Variants in HSBP1 observed in about 807,000 individuals in gnomAD.
HSBP1 encodes the protein heat shock factor binding protein 1.
In HSBP1, 5 loss-of-function variants were observed where a neutral mutation model predicts 9.6. The ratio of observed to expected loss-of-function variants is 0.52; its 90% CI spans 0.27 to 1.09. The LOEUF (loss-of-function observed/expected upper bound fraction) is 1.09. Among genes scored for constraint, HSBP1 ranks in the 50% least tolerant of loss-of-function variants. The pLI is 0.11. For missense variants in HSBP1, 121 were observed against 96.3 expected (o/e 1.26, Z -1.07); for synonymous variants, 42 against 33.3 (o/e 1.26, Z -0.90).
chr16:83,811,402 AT>A lies in HSBP1; in HGVS notation c.*3-14del, dbSNP rs1234887289. ...TCATATAATGAAAAACATGTTGATG[AT>A]TTTTCCTTCTTCAACAGGTTGCTAA... On this transcript the variant is annotated intron_variant, in intron 3 of 3. Transcript: ENST00000433866. 6.6e-6 allele frequency: 1 copy of A among 152,158 alleles called. No homozygotes were observed. Among genetic ancestry groups the A allele is most frequent in the Non-Finnish European group, 1.5e-5 (1 of 68,034 alleles). The allele number at this position is 152,158 out of a possible 1,614,324, so 9.4% of individuals were successfully genotyped here. A position where few individuals can be genotyped will look rare whatever the true frequency, so the allele number is the denominator to read the frequency against.
rs922630837 is a variant in HSBP1 at position 83,808,019 on chromosome 16, A to C, written c.-58A>C. ...GCAGCGGCCCGGGGCGACTGAGCGG[A>C]CAAACGGAAGTGTAGGTTACGGTCT... On this transcript the variant is annotated 5_prime_UTR_variant, in exon 1 of 4. Transcript: ENST00000433866. 2 of 1,449,766 alleles carry C rather than the reference A, an allele frequency of 1.4e-6. No homozygotes were observed. Among genetic ancestry groups the C allele is most frequent in the Non-Finnish European group, 1.8e-6 (2 of 1,083,346 alleles). 89.8% of individuals were successfully genotyped at this position (1,449,766 alleles called of 1,614,324 possible).
Position 83,816,549 on chromosome 16 carries a change from C to G in HSBP1, c.*5131C>G, listed in dbSNP as rs920698560. 2.6e-5 allele frequency: 4 copies of G among 152,172 alleles called. No homozygotes were observed. Among genetic ancestry groups the G allele is most frequent in the African/African-American group, 9.7e-5 (4 of 41,432 alleles). 9.4% of individuals were successfully genotyped at this position (152,172 alleles called of 1,614,324 possible). ...ATGTTTCTTTGAAGGTGTTTCCACC[C>G]CACTCCTGTGCCTAAAATGATCCTG... is the stretch of plus-strand genomic sequence containing the variant. On this transcript the variant is annotated 3_prime_UTR_variant, in exon 4 of 4. Transcript: ENST00000433866.
At chr16:83,808,219 G>C in intron 1 of HSBP1, 98 bp downstream of exon 1, 1 of 1,072,696 alleles carries the variant, frequency 9.3e-7, no homozygotes, top group Non-Finnish European at 1.3e-6. Context: ...GCCGCGCGTG[G>C]CGTCTGCCGA....
intron 3 of HSBP1, among the ~76,000 whole-genome samples, chr16:83,810,305 C>A (rs1904571088): frequency 1.3e-5 from 2 of 152,116 alleles, no homozygotes; most frequent in African/African-American, 2.4e-5. Context: ...AGTACCTACA[C>A]AGCAAGATAG....
rs1182409439 is a variant in HSBP1 at position 83,819,004 on chromosome 16, C to A, written c.*7586C>A. The A allele has an allele frequency of 6.6e-6, 1 of 151,100 alleles. No homozygotes were observed. Among genetic ancestry groups the A allele is most frequent in the Non-Finnish European group, 1.5e-5 (1 of 67,744 alleles). 9.4% of individuals were successfully genotyped at this position (151,100 alleles called of 1,614,324 possible). ...TACCTAGCCCTACTGAATCAGAGAC[C>A]CTGGGAGGGAGGTCCAGCAGCCTGG... is the stretch of plus-strand genomic sequence containing the variant. On this transcript the variant is annotated 3_prime_UTR_variant, in exon 4 of 4. Transcript: ENST00000433866.
rs1417186117 is a variant in HSBP1, at chr16:83,816,638, G to C, written c.*5220G>C. The C allele has an allele frequency of 1.3e-5, 2 of 152,258 alleles. No individual in the cohort carries two copies. Among genetic ancestry groups the C allele is most frequent in the East Asian group, 3.9e-4 (2 of 5,158 alleles). 9.4% of individuals were successfully genotyped at this position (152,258 alleles called of 1,614,324 possible). The stretch of plus-strand genomic sequence containing the variant: ...CTTGTTTTTTTGTTGTCACAACTCA[G>C]GTTGGGGGTGTTACTGGCATCAAGA... On this transcript the variant is annotated 3_prime_UTR_variant, in exon 4 of 4. Coordinates refer to ENST00000433866, the MANE Select transcript of HSBP1 (RefSeq NM_001537.4).
Position 83,813,659 on chromosome 16 carries a change from C to G in HSBP1, c.*2241C>G, listed in dbSNP as rs1033844859. On this transcript the variant is annotated 3_prime_UTR_variant, in exon 4 of 4. Transcript: ENST00000433866. ...ACTATATGAAGTATTCCTTCTCCAG[C>G]TATTCTTGTTCGTTTACCAGCCAGT... 2.6e-5 allele frequency: 4 copies of G among 152,224 alleles called. No individual in the cohort carries two copies. The highest frequency in any genetic ancestry group is 2.9e-5 in the Non-Finnish European group (2 of 68,080). 9.4% of individuals were successfully genotyped at this position (152,224 alleles called of 1,614,324 possible).
rs1904764796 is a variant in HSBP1 at position 83,818,245 on chromosome 16, G to A, written c.*6827G>A. 6.6e-6 allele frequency: 1 copy of A among 152,118 alleles called. No individual in the cohort carries two copies. The highest frequency in any genetic ancestry group is 2.4e-5 in the African/African-American group (1 of 41,406). The allele number at this position is 152,118 out of a possible 1,614,324, so 9.4% of individuals were successfully genotyped here. ...GAGATGCGAGGAAGATTCTTTTCCT[G>A]GGCCACTCTCATTTTCTCAAACTTG... On this transcript the variant is annotated 3_prime_UTR_variant, in exon 4 of 4. Coordinates refer to ENST00000433866, the MANE Select transcript of HSBP1 (RefSeq NM_001537.4).
At position 83,813,589 on chromosome 16, in the gene HSBP1, G is replaced by C. The variant is rs900332718; in HGVS notation, c.*2171G>C. The C allele has an allele frequency of 1.3e-5, 2 of 152,526 alleles. No individual in the cohort carries two copies. The highest frequency in any genetic ancestry group is 3.8e-4 in the East Asian group (2 of 5,196). The allele number at this position is 152,526 out of a possible 1,614,324, so 9.4% of individuals were successfully genotyped here. Reference sequence around the variant, plus strand: ...CTGTCTCAGCCTCCCAAAGTGCTGGGATTACAGGCTGGAGCCACCATGCCT... The same window carrying C: ...CTGTCTCAGCCTCCCAAAGTGCTGGCATTACAGGCTGGAGCCACCATGCCT... On this transcript the variant is annotated 3_prime_UTR_variant, in exon 4 of 4. Transcript: ENST00000433866.
rs987180167 is a variant in HSBP1, at chr16:83,809,382, C to A, written c.190C>A (p.Leu64Met). 1.2e-6 allele frequency: 2 copies of A among 1,603,000 alleles called. No individual in the cohort carries two copies. Among genetic ancestry groups the A allele is most frequent in the Non-Finnish European group, 1.7e-6 (2 of 1,175,236 alleles). Residue 64 changes from leucine (L) to methionine (M), a missense_variant, in exon 3 of 4, where the codon CTG (leucine) becomes ATG (methionine). By Grantham distance (15) the Leu-to-Met change is conservative. Transcript: ENST00000433866. ...DLMTQAGVEE[L>M]ESENKIPATQ... ...CATGACACAGGCTGGGGTGGAAGAA[C>A]TGGAAAGTGAAAACAAGATACCTGC...
intron 3 of HSBP1, 56 bp from the exon 4 acceptor site, chr16:83,811,365 T>C (rs2151030905): frequency 6.6e-6 from 1 of 152,344 alleles, no homozygotes; most frequent in East Asian, 1.9e-4. Flanking sequence ...TATATGTCAT[T>C]TTTACTTGTG....
chr16:83,810,911 G>A (rs1408261225), intron 3 of HSBP1, among the ~76,000 whole-genome samples: 1 of 152,190 alleles, frequency 6.6e-6, no homozygotes, highest in Non-Finnish European at 1.5e-5. Flanking sequence ...TGGGCTTGCT[G>A]TGGACCACAT....
intron 1 of HSBP1, 131 bp downstream of exon 1, chr16:83,808,252 C>G (rs1196816266): frequency 9.0e-6 from 7 of 781,238 alleles, no homozygotes; most frequent in South Asian, 5.4e-5. Context: ...GGAAGCGTCT[C>G]TGGCCGAGGC....
At chr16:83,811,189 G>A (rs1904593000) in intron 3 of HSBP1, among the ~76,000 whole-genome samples, 1 of 152,238 alleles carries the variant, frequency 6.6e-6, no homozygotes, top group Non-Finnish European at 1.5e-5. Context: ...TTTCAGGATG[G>A]TAGACTGGCT....
chr16:83,807,987 G>T lies in HSBP1; in HGVS notation c.-90G>T. On this transcript the variant is annotated 5_prime_UTR_variant, in exon 1 of 4. Transcript: ENST00000433866. ...GGTCCCGCGAGCTGCCAGTCTCGTC[G>T]CGAGAAGCAGCGGCCCGGGGCGACT... The T allele has an allele frequency of 2.5e-6, 3 of 1,210,150 alleles. No individual in the cohort carries two copies. Among genetic ancestry groups the T allele is most frequent in the Non-Finnish European group, 3.4e-6 (3 of 875,568 alleles). The allele number at this position is 1,210,150 out of a possible 1,614,324, so 75.0% of individuals were successfully genotyped here.
Position 83,811,816 on chromosome 16 carries a change from G to C in HSBP1, c.*398G>C, listed in dbSNP as rs1231860030. 3.3e-5 allele frequency: 5 copies of C among 152,206 alleles called. No individual in the cohort carries two copies. Among genetic ancestry groups the C allele is most frequent in the Admixed American group, 6.5e-5 (1 of 15,290 alleles). The allele number at this position is 152,206 out of a possible 1,614,324, so 9.4% of individuals were successfully genotyped here. On this transcript the variant is annotated 3_prime_UTR_variant, in exon 4 of 4. Coordinates refer to ENST00000433866, the MANE Select transcript of HSBP1 (RefSeq NM_001537.4). ...TTCAATTATAGTTAGTCTTGGTGAA[G>C]TAAGATGTTTGTAGACTTTAGAGTT...
chr16:83,808,808 G>T, intron 2 of HSBP1, 62 bp downstream of exon 2: 3 of 1,253,540 alleles, frequency 2.4e-6, no homozygotes, highest in Non-Finnish European at 2.3e-6. Context: ...CCGGGCAGTG[G>T]TGGGGATAAA....
intron 2 of HSBP1, 75 bp from the exon 3 acceptor site, chr16:83,809,230 A>G (rs928253268): frequency 3.0e-5 from 27 of 912,156 alleles, no homozygotes; most frequent in Non-Finnish European, 4.3e-5. Flanking sequence ...CGTTGTGTTT[A>G]AGGCTGTAGT....
Position 83,808,101 on chromosome 16 carries a change from G to A in HSBP1, c.25G>A (p.Val9Met), listed in dbSNP as rs1427998796. 2.1e-5 allele frequency: 33 copies of A among 1,547,202 alleles called. No individual in the cohort carries two copies. The highest frequency in any genetic ancestry group is 2.8e-5 in the Non-Finnish European group (32 of 1,145,032). Residue 9 changes from valine (V) to methionine (M), a missense_variant, in exon 1 of 4, where the codon GTG (valine) becomes ATG (methionine). Transcript: ENST00000433866. ...GATGGCCGAGACTGACCCCAAGACC[G>A]TGCAGGACCTCACCTCGGTGGTAAG... is the stretch of plus-strand genomic sequence containing the variant. MAETDPKTVQDLTSVVQTL... is the reference protein window; with the variant it reads MAETDPKTMQDLTSVVQTL...
Sources: gnomAD v4.1 joint callset for allele counts (sites outside exome capture counted in the v4.1 genomes callset) on GRCh38, gnomAD v4.1.1 for gene constraint, MANE v1.5 for transcripts, NCBI Gene and HGNC (gene_info 2026-07-23, HGNC 2026-07-21) for gene names.